CCDC60: variants seen among roughly 807,000 people sequenced by gnomAD.
The protein encoded by CCDC60 is coiled-coil domain containing 60.
CCDC60 carries 54 observed loss-of-function variants against 63.5 expected under a neutral mutation model. The ratio of observed to expected loss-of-function variants is 0.85; its 90% CI spans 0.68 to 1.07. The LOEUF (loss-of-function observed/expected upper bound fraction) is 1.07. Ranked by LOEUF, CCDC60 falls within the 50% of genes least tolerant of loss-of-function variation. CCDC60 has a pLI of 0.00. For synonymous variants in CCDC60, 206 were observed against 238.8 expected (o/e 0.86, Z 1.27); for missense variants, 651 against 684.3 (o/e 0.95, Z 0.54).
chr12:119,374,693 G>A (rs1222805109), intron 1 of CCDC60, among the ~76,000 whole-genome samples: 1 of 152,160 alleles, frequency 6.6e-6, no homozygotes, highest in Admixed American at 6.5e-5. Context: ...CAGTGGCATG[G>A]GCTGCTTAAC....
intron 1 of CCDC60, among the ~76,000 whole-genome samples, chr12:119,344,853 T>A (rs1000165391): frequency 3.1e-4 from 32 of 104,168 alleles, no homozygotes; most frequent in Middle Eastern, 5.0e-3. Flanking sequence ...TCTCTCTCTC[T>A]CTCACACACA....
At chr12:119,523,353 C>T (rs1382858973) in intron 10 of CCDC60, among the ~76,000 whole-genome samples, 1 of 152,244 alleles carries the variant, frequency 6.6e-6, no homozygotes, top group Non-Finnish European at 1.5e-5. Context: ...TGAGGCCACA[C>T]AGCTAAGAAG....
chr12:119,339,379 CGTT>C (rs573624177), intron 1 of CCDC60, among the ~76,000 whole-genome samples: 262 of 152,306 alleles, frequency 1.7e-3, no homozygotes, highest in Non-Finnish European at 2.7e-3. Context: ...CTTTCCACCT[CGTT>C]GTCATTAAAA....
intron 1 of CCDC60, among the ~76,000 whole-genome samples, chr12:119,375,987 T>C (rs956833585): frequency 7.2e-5 from 11 of 152,098 alleles, no homozygotes; most frequent in African/African-American, 2.2e-4. Flanking sequence ...TTTCCTCTGG[T>C]GAAAAGAGCA....
chr12:119,501,331 A>T (rs1234735321), intron 6 of CCDC60, among the ~76,000 whole-genome samples: 2 of 152,226 alleles, frequency 1.3e-5, no homozygotes, highest in Non-Finnish European at 2.9e-5. Flanking sequence ...TGCCCTCTTA[A>T]TAACCCTATG....
At chr12:119,366,140 G>A (rs761805453) in intron 1 of CCDC60, among the ~76,000 whole-genome samples, 7 of 152,162 alleles carry the variant, frequency 4.6e-5, no homozygotes, top group Non-Finnish European at 8.8e-5. Context: ...CCACAGGGTA[G>A]ATGGTTTATC....
Position 119,393,738 on chromosome 12 carries a change from A to G in CCDC60, c.91-34945A>G, listed in dbSNP as rs890449918. Among the ~76,000 whole-genome samples the G allele has an allele frequency of 2.0e-5, 3 of 152,220 alleles. 1 individual carries two copies. The highest frequency in any genetic ancestry group is 7.2e-5 in the African/African-American group (3 of 41,454). On this transcript the variant is annotated intron_variant, in intron 1 of 13. Transcript: ENST00000327554. Reference sequence around the variant, plus strand: ...TCGTGCCCACACCTGGACAGGCTTCAAGAGGAAAGAAATATCAGTCTGGAG... The same window carrying G: ...TCGTGCCCACACCTGGACAGGCTTCGAGAGGAAAGAAATATCAGTCTGGAG...
chr12:119,435,660 C>A (rs1486206576), intron 2 of CCDC60, among the ~76,000 whole-genome samples: 1 of 152,162 alleles, frequency 6.6e-6, no homozygotes, highest in Non-Finnish European at 1.5e-5. Context: ...TTGATTAATT[C>A]CTCAAATGAG....
intron 1 of CCDC60, among the ~76,000 whole-genome samples, chr12:119,408,835 CAA>C (rs974583744): frequency 3.1e-4 from 33 of 107,236 alleles, no homozygotes; most frequent in Non-Finnish European, 4.5e-4. Flanking sequence ...AAAAAAAAAA[CAA>C]AGAGTAATAG....
chr12:119,483,513 CT>C (rs1951372933), intron 4 of CCDC60, among the ~76,000 whole-genome samples: 1 of 152,198 alleles, frequency 6.6e-6, no homozygotes, highest in Non-Finnish European at 1.5e-5. Context: ...GCCCCACAGC[CT>C]TTAATGAGTG....
chr12:119,387,551 T>C (rs1236216180), intron 1 of CCDC60, among the ~76,000 whole-genome samples: 1 of 152,234 alleles, frequency 6.6e-6, no homozygotes, highest in African/African-American at 2.4e-5. Flanking sequence ...TAAATGCTTT[T>C]ATGTATATGA....
chr12:119,414,741 G>C (rs80158076), intron 1 of CCDC60, among the ~76,000 whole-genome samples: 11,289 of 152,046 alleles, frequency 0.074, 549 homozygotes, highest in Middle Eastern at 0.16. Flanking sequence ...TGTAGAGAGA[G>C]AGGTCTCACT....
intron 1 of CCDC60, among the ~76,000 whole-genome samples, chr12:119,415,323 G>A (rs1282214504): frequency 4.6e-5 from 7 of 152,178 alleles, no homozygotes; most frequent in Non-Finnish European, 8.8e-5. Flanking sequence ...AGGAAAAAAG[G>A]GCAGCAGGTG....
At chr12:119,446,036 T>C (rs1200576092) in intron 2 of CCDC60, among the ~76,000 whole-genome samples, 1 of 152,150 alleles carries the variant, frequency 6.6e-6, no homozygotes, top group African/African-American at 2.4e-5. Context: ...CTTACTCATG[T>C]AACCAAACAC....
At chr12:119,455,938 AG>A (rs1950725096) in intron 2 of CCDC60, among the ~76,000 whole-genome samples, 3 of 32,036 alleles carry the variant, frequency 9.4e-5, no homozygotes, top group Non-Finnish European at 1.8e-4. Context: ...AGAAAGAGAA[AG>A]AGAGAGAAAG....
At chr12:119,487,990 T>C (rs1305774121) in intron 4 of CCDC60, among the ~76,000 whole-genome samples, 2 of 152,110 alleles carry the variant, frequency 1.3e-5, no homozygotes, top group Non-Finnish European at 2.9e-5. Context: ...CACAGGTGCA[T>C]GCCACCACAC....
intron 9 of CCDC60, 71 bp from the exon 10 acceptor site, chr12:119,522,868 G>A: frequency 1.5e-6 from 2 of 1,368,060 alleles, no homozygotes; most frequent in Non-Finnish European, 2.1e-6. Flanking sequence ...CAGGTGCCAT[G>A]GAGCACTGGG....
chr12:119,362,999 G>T (rs1366548567), intron 1 of CCDC60, among the ~76,000 whole-genome samples: 2 of 152,220 alleles, frequency 1.3e-5, no homozygotes, highest in Non-Finnish European at 2.9e-5. Context: ...TCGGGAGGCT[G>T]GGGCAGGAGA....
At chr12:119,421,907 G>GTGAGTA (rs1956819494) in intron 1 of CCDC60, among the ~76,000 whole-genome samples, 1 of 152,192 alleles carries the variant, frequency 6.6e-6, no homozygotes, top group Non-Finnish European at 1.5e-5. Context: ...AATATTAAAT[G>GTGAGTA]TGAGTATATC....
Sources: gnomAD v4.1 joint callset for allele counts (sites outside exome capture counted in the v4.1 genomes callset) on GRCh38, gnomAD v4.1.1 for gene constraint, MANE v1.5 for transcripts, NCBI Gene and HGNC (gene_info 2026-07-23, HGNC 2026-07-21) for gene names.